GNG4: variants seen among roughly 807,000 people sequenced by gnomAD.
GNG4 encodes guanine nucleotide-binding protein G(I)/G(S)/G(O) subunit gamma-4.
A neutral mutation model predicts 5.8 loss-of-function variants in GNG4; 4 were observed. The observed-to-expected ratio is 0.69, with a 90% CI of 0.34 to 1.57. GNG4 has a LOEUF of 1.57. Among genes scored for constraint, GNG4 ranks in the 40% most tolerant of loss-of-function variants. The pLI is 0.06. For synonymous variants in GNG4, 29 were observed against 32.9 expected (o/e 0.88, Z 0.41); for missense variants, 96 against 95.1 (o/e 1.01, Z -0.04).
intron 1 of GNG4, among the ~76,000 whole-genome samples, chr1:235,638,343 A>G (rs778670363): frequency 6.6e-6 from 1 of 152,166 alleles, no homozygotes; most frequent in Non-Finnish European, 1.5e-5. Context: ...TCTGGAGTTC[A>G]AAAGTCTGAA....
chr1:235,573,414 C>T (rs2988745), intron 3 of GNG4, among the ~76,000 whole-genome samples: 63,937 of 150,118 alleles, frequency 0.43, 15,142 homozygotes, highest in East Asian at 0.85. Flanking sequence ...ATATGGCACA[C>T]GTATACATAT....
At chr1:235,603,891 A>C (rs1688305054) in intron 1 of GNG4, among the ~76,000 whole-genome samples, 1 of 152,170 alleles carries the variant, frequency 6.6e-6, no homozygotes, top group Admixed American at 6.5e-5. Flanking sequence ...CAGCGGTTAT[A>C]CTTAAGAACA....
chr1:235,575,028 T>C (rs1212865434), intron 3 of GNG4, among the ~76,000 whole-genome samples: 1 of 152,170 alleles, frequency 6.6e-6, no homozygotes, highest in Non-Finnish European at 1.5e-5. Context: ...TTTCACCACG[T>C]TGGCCAGGCT....
chr1:235,607,463 A>G (rs1279425155), intron 1 of GNG4, among the ~76,000 whole-genome samples: 2 of 152,206 alleles, frequency 1.3e-5, no homozygotes, highest in African/African-American at 4.8e-5. Flanking sequence ...GGCCATCGCC[A>G]CTGGGTGCAC....
rs1686729863 is a variant in GNG4, at chr1:235,550,989, G to A, written c.*1120C>T. On this transcript the variant is annotated 3_prime_UTR_variant, in exon 4 of 4. Coordinates refer to ENST00000391854, the MANE Select transcript of GNG4 (RefSeq NM_001098722.2). ...CCCAGCGGGCCCAGTGCTGTGTCCA[G>A]AACAGGTCCTTATATTACTGCAGCC... 6.6e-6 allele frequency: 1 copy of A among 152,322 alleles called. No homozygotes were observed. Among genetic ancestry groups the A allele is most frequent in the Non-Finnish European group, 1.5e-5 (1 of 68,178 alleles). 9.4% of individuals were successfully genotyped at this position (152,322 alleles called of 1,614,324 possible). A position where few individuals can be genotyped will look rare whatever the true frequency, so the allele number is the denominator to read the frequency against.
rs796811107 is a variant in GNG4 at position 235,560,625 on chromosome 1, T to C, written c.100-8388A>G. Among the ~76,000 whole-genome samples the C allele has an allele frequency of 5.3e-5, 8 of 152,360 alleles. 1 individual carries two copies. Among genetic ancestry groups the C allele is most frequent in the African/African-American group, 1.4e-4 (6 of 41,588 alleles). ...CTTTCTAGTAGGACAGAGAAGATAC[T>C]TGAGAAACAGACACGAAGAAGTTTC... On this transcript the variant is annotated intron_variant, in intron 3 of 3. Transcript: ENST00000391854.
At chr1:235,570,923 TACACACACACAC>T (rs1553365414) in intron 3 of GNG4, among the ~76,000 whole-genome samples, 60 of 97,346 alleles carry the variant, frequency 6.2e-4, no homozygotes, top group Admixed American at 1.1e-3. Flanking sequence ...CATATATATA[TACACACACACAC>T]ACACACACAC....
At chr1:235,594,516 G>C (rs897475768) in intron 2 of GNG4, among the ~76,000 whole-genome samples, 3 of 152,198 alleles carry the variant, frequency 2.0e-5, no homozygotes, top group Non-Finnish European at 4.4e-5. Flanking sequence ...AGGCCGTGCA[G>C]GAGCCCATGG....
intron 2 of GNG4, among the ~76,000 whole-genome samples, chr1:235,584,622 T>C (rs1416271340): frequency 6.6e-6 from 1 of 151,758 alleles, no homozygotes; most frequent in Non-Finnish European, 1.5e-5. Flanking sequence ...CCTACACACA[T>C]TGATGCCCCG....
At chr1:235,635,015 C>T (rs1308592955) in intron 1 of GNG4, among the ~76,000 whole-genome samples, 4 of 152,088 alleles carry the variant, frequency 2.6e-5, no homozygotes, top group Admixed American at 6.6e-5. Context: ...AATACAAAGC[C>T]GGGTATAGAC....
chr1:235,591,848 C>T (rs542220140), intron 2 of GNG4, among the ~76,000 whole-genome samples: 33 of 152,304 alleles, frequency 2.2e-4, no homozygotes, highest in African/African-American at 7.9e-4. Flanking sequence ...GCACATAGGT[C>T]GCACCGGGGG....
At chr1:235,573,516 A>G (rs927488471) in intron 3 of GNG4, among the ~76,000 whole-genome samples, 35 of 152,144 alleles carry the variant, frequency 2.3e-4, no homozygotes, top group Non-Finnish European at 3.7e-4. Context: ...GGTAGCTCAC[A>G]CCTGTAATCC....
At chr1:235,605,774 A>G (rs1273563014) in intron 1 of GNG4, among the ~76,000 whole-genome samples, 1 of 151,904 alleles carries the variant, frequency 6.6e-6, no homozygotes, top group Non-Finnish European at 1.5e-5. Context: ...ACTTTCAGGA[A>G]ACCCTGGGTG....
Position 235,560,030 on chromosome 1 carries a change from C to T in GNG4, c.100-7793G>A, listed in dbSNP as rs185174893. ...ACAGGTCAGTGTTTGTCCCATCTGA[C>T]TGACTATCTCTCAGTTTTGATATTT... is the stretch of plus-strand genomic sequence containing the variant. On this transcript the variant is annotated intron_variant, in intron 3 of 3. Coordinates refer to ENST00000391854, the MANE Select transcript of GNG4 (RefSeq NM_001098722.2). Among the ~76,000 whole-genome samples the T allele has an allele frequency of 2.9e-3, 445 of 152,158 alleles. 4 individuals carry two copies. The highest frequency in any genetic ancestry group is 0.01 in the African/African-American group (422 of 41,490).
intron 3 of GNG4, among the ~76,000 whole-genome samples, chr1:235,581,004 G>A (rs927997607): frequency 1.3e-5 from 2 of 151,840 alleles, no homozygotes; most frequent in African/African-American, 2.4e-5. Context: ...CACCTGCCTC[G>A]GCCTTCCAAA....
intron 1 of GNG4, among the ~76,000 whole-genome samples, chr1:235,620,869 G>A (rs1266423330): frequency 6.6e-6 from 1 of 152,186 alleles, no homozygotes; most frequent in Admixed American, 6.5e-5. Context: ...ACATCTAGAA[G>A]TCTAAGGAAT....
At chr1:235,575,093 G>A (rs894012285) in intron 3 of GNG4, among the ~76,000 whole-genome samples, 15 of 152,250 alleles carry the variant, frequency 9.9e-5, no homozygotes, top group Non-Finnish European at 1.5e-5. Flanking sequence ...CCAAAGTGGT[G>A]GAGTTACAGG....
intron 3 of GNG4, among the ~76,000 whole-genome samples, chr1:235,562,280 G>A (rs1687084407): frequency 6.6e-6 from 1 of 152,052 alleles, no homozygotes; most frequent in African/African-American, 2.4e-5. Flanking sequence ...GTATTTTATT[G>A]GCTATTCTGG....
chr1:235,620,117 G>A (rs1242414760), intron 1 of GNG4, among the ~76,000 whole-genome samples: 6 of 152,112 alleles, frequency 3.9e-5, no homozygotes, highest in Admixed American at 6.6e-5. Context: ...TAATCCCAGC[G>A]CTTTGGGAGG....
Sources: gnomAD v4.1 joint callset for allele counts (sites outside exome capture counted in the v4.1 genomes callset) on GRCh38, gnomAD v4.1.1 for gene constraint, MANE v1.5 for transcripts, NCBI Gene and HGNC (gene_info 2026-07-23, HGNC 2026-07-21) for gene names.